Variants in GOLGB1 observed in about 807,000 individuals in gnomAD.
GOLGB1 encodes golgin subfamily B member 1.
Under a neutral mutation model 336.9 loss-of-function variants are expected in GOLGB1, and 174 were observed. The ratio of observed to expected loss-of-function variants is 0.52; its 90% CI spans 0.46 to 0.59. The LOEUF is 0.59. GOLGB1 is among the 20% of genes least tolerant of loss of function. The pLI, the probability that GOLGB1 is intolerant of heterozygous loss-of-function variation, is 0.00. For synonymous variants in GOLGB1, 1,208 were observed against 1,289.2 expected, an observed-to-expected ratio of 0.94 and a Z score of 1.35; for missense variants, 3,331 against 3,645.3, an observed-to-expected ratio of 0.91 and a Z score of 2.22.
At position 121,694,392 on chromosome 3, in the gene GOLGB1, T is replaced by G. The variant is rs75383249; in HGVS notation, c.6131A>C (p.Glu2044Ala). The G allele has an allele frequency of 3.8e-3, 6,188 of 1,613,270 alleles. 27 individuals carry two copies. Among genetic ancestry groups the G allele is most frequent in the Non-Finnish European group, 3.4e-3 (4,047 of 1,179,466 alleles). ...IRYQEKISAL[E>A]RTVKALEFVQ... ...AAATTCTAGAGCTTTAACAGTTCTC[T>G]CCAGAGCACTAATTTTCTCTTGATA... Residue 2044 changes from glutamate (E) to alanine (A), a missense_variant, in exon 13 of 22, where the codon GAG becomes GCG. Physicochemically the swap from Glu to Ala is moderately radical, Grantham distance 107. Coordinates refer to ENST00000614479, the MANE Select transcript of GOLGB1 (RefSeq NM_001366282.2).
chr3:121,713,748 T>A (rs1490121979), intron 10 of GOLGB1, among the ~76,000 whole-genome samples: 1 of 152,178 alleles, frequency 6.6e-6, no homozygotes, highest in Non-Finnish European at 1.5e-5. Flanking sequence ...ACTTCAGATC[T>A]GTGCATTTAA....
chr3:121,714,836 T>C, intron 10 of GOLGB1, 25 bp downstream of exon 10: 2 of 1,298,422 alleles, frequency 1.5e-6, no homozygotes, highest in South Asian at 2.4e-5. Context: ...CAGTTAATAT[T>C]CATAAGAAGT....
At position 121,696,477 on chromosome 3, in the gene GOLGB1, T is replaced by G. The variant is rs1327096941; in HGVS notation, c.4046A>C (p.Glu1349Ala). ...TTCTAAACCCTGTTTATTTATCTGC[T>G]CTTGTAACTGAAATACCTCTTCTGA... The part of the protein sequence containing the change: ...KKSEEVFQLQ[E>A]QINKQGLEIE... Residue 1349 changes from glutamate to alanine, a missense_variant, in exon 13 of 22, where the codon GAG becomes GCG. Coordinates refer to ENST00000614479, the MANE Select transcript of GOLGB1 (RefSeq NM_001366282.2). 1.9e-6 allele frequency: 3 copies of G among 1,613,970 alleles called. No homozygotes were observed. Among genetic ancestry groups the G allele is most frequent in the Non-Finnish European group, 2.5e-6 (3 of 1,179,990 alleles).
intron 9 of GOLGB1, among the ~76,000 whole-genome samples, chr3:121,715,752 G>C (rs1341577200): frequency 6.6e-6 from 1 of 151,982 alleles, no homozygotes; most frequent in South Asian, 2.1e-4. Context: ...CAGCACTTTG[G>C]GATGCCGAGG....
Position 121,694,746 on chromosome 3 carries a change from T to C in GOLGB1, c.5777A>G (p.Asp1926Gly). Residue 1926 changes from aspartate to glycine, a missense_variant, in exon 13 of 22, where the codon GAT (aspartate) becomes GGT (glycine). Asp to Gly is a moderately conservative substitution (Grantham distance 94, BLOSUM62 -1). Coordinates refer to ENST00000614479, the MANE Select transcript of GOLGB1 (RefSeq NM_001366282.2). ...TTGATTCATAAGCCTCTCTTCCAAA[T>C]CATCTTTCTCTTCTTCTGCTGTCTC... ...LKETAEEEKD[D>G]LEERLMNQLA... is the part of the protein sequence containing the mutation. 1 of 1,612,708 alleles carries C rather than the reference T, an allele frequency of 6.2e-7. No homozygotes were observed. Among genetic ancestry groups the C allele is most frequent in the Non-Finnish European group, 8.5e-7 (1 of 1,179,972 alleles).
chr3:121,699,125 A>G (rs1943187462), intron 12 of GOLGB1, among the ~76,000 whole-genome samples, 196 bp from the exon 13 acceptor site: 1 of 152,158 alleles, frequency 6.6e-6, no homozygotes, highest in Admixed American at 6.5e-5. Context: ...CACTCTGCCA[A>G]TCCTGCACTG....
At chr3:121,733,398 A>T (rs953215536) in intron 1 of GOLGB1, among the ~76,000 whole-genome samples, 6 of 152,154 alleles carry the variant, frequency 3.9e-5, no homozygotes, top group Admixed American at 2.0e-4. Context: ...ACAGAGCAGG[A>T]CTTGGGTAAA....
chr3:121,699,123 C>T (rs1448379085), intron 12 of GOLGB1, among the ~76,000 whole-genome samples, 194 bp from the exon 13 acceptor site: 1 of 152,156 alleles, frequency 6.6e-6, no homozygotes, highest in East Asian at 1.9e-4. Context: ...GGCACTCTGC[C>T]AATCCTGCAC....
intron 10 of GOLGB1, among the ~76,000 whole-genome samples, chr3:121,702,987 C>A (rs527623478): frequency 1.0e-3 from 157 of 152,168 alleles, no homozygotes; most frequent in African/African-American, 3.3e-3. Context: ...AAGAGAGGTT[C>A]CACAAAGAGG....
intron 17 of GOLGB1, among the ~76,000 whole-genome samples, chr3:121,674,921 C>T (rs965624422): frequency 4.6e-5 from 7 of 150,738 alleles, no homozygotes; most frequent in South Asian, 4.2e-4. Context: ...CTGCAAGCTC[C>T]GCTTCCCGGG....
rs193284384 is a variant in GOLGB1, at chr3:121,664,101, T to C, written c.*379A>G. The C allele has an allele frequency of 1.2e-3, 233 of 198,894 alleles. 1 individual carries two copies. The highest frequency in any genetic ancestry group is 4.8e-3 in the African/African-American group (209 of 43,778). 12.3% of individuals were successfully genotyped at this position (198,894 alleles called of 1,614,324 possible). A position where few individuals can be genotyped will look rare whatever the true frequency, so the allele number is the denominator to read the frequency against. On this transcript the variant is annotated 3_prime_UTR_variant, in exon 22 of 22. Coordinates refer to ENST00000614479, the MANE Select transcript of GOLGB1 (RefSeq NM_001366282.2). The stretch of plus-strand genomic sequence containing the variant: ...CAAAGAAAGTTATCAATCAAAATGA[T>C]ACTGAACTTCAGATTATTAGGTTTA...
intron 11 of GOLGB1, among the ~76,000 whole-genome samples, chr3:121,700,789 T>A (rs1943338662): frequency 6.6e-6 from 1 of 152,112 alleles, no homozygotes; most frequent in Admixed American, 6.6e-5. Context: ...CCCCTTTTCA[T>A]CATTCAGGTT....
chr3:121,726,422 A>T (rs2108243101), intron 5 of GOLGB1, among the ~76,000 whole-genome samples: 1 of 134,452 alleles, frequency 7.4e-6, no homozygotes, highest in South Asian at 2.5e-4. Flanking sequence ...CAACAGAGTG[A>T]CACCCTGTCT....
At chr3:121,689,535 C>A (rs1400577544) in intron 14 of GOLGB1, among the ~76,000 whole-genome samples, 3 of 151,430 alleles carry the variant, frequency 2.0e-5, no homozygotes, top group Non-Finnish European at 4.4e-5. Flanking sequence ...GGGTCCTCTG[C>A]CTAGGAAAAC....
In GOLGB1 at chr3:121,698,746, C is replaced by T. The variant is rs911184220; in HGVS notation, c.1777G>A (p.Ala593Thr). 3 of 1,613,564 alleles carry T rather than the reference C, an allele frequency of 1.9e-6. No individual in the cohort carries two copies. The highest frequency in any genetic ancestry group is 1.7e-6 in the Non-Finnish European group (2 of 1,179,622). Residue 593 changes from alanine to threonine, a missense_variant, in exon 13 of 22, where the codon GCA becomes ACA. Coordinates refer to ENST00000614479, the MANE Select transcript of GOLGB1 (RefSeq NM_001366282.2). The part of the protein sequence containing the change: ...LQLQGKRAEE[A>T]DHEVLDQKEM... Reference sequence around the variant, plus strand: ...TTCTGGTCAAGGACCTCATGATCTGCTTCCTCAGCCCTTTTTCCCTGGAGC... The same window carrying T: ...TTCTGGTCAAGGACCTCATGATCTGTTTCCTCAGCCCTTTTTCCCTGGAGC...
chr3:121,689,276 A>G (rs1036580074), intron 14 of GOLGB1, among the ~76,000 whole-genome samples: 14 of 152,248 alleles, frequency 9.2e-5, no homozygotes, highest in African/African-American at 3.1e-4. Context: ...AGAAGTAGAC[A>G]TGGGAAACTT....
intron 20 of GOLGB1, among the ~76,000 whole-genome samples, chr3:121,666,531 C>T (rs567355376): frequency 1.3e-5 from 2 of 152,280 alleles, no homozygotes; most frequent in Middle Eastern, 3.4e-3. Context: ...AGCTGGCCCA[C>T]CCTCAAAGCT....
intron 2 of GOLGB1, among the ~76,000 whole-genome samples, chr3:121,730,485 A>T (rs1241498209): frequency 1.3e-5 from 2 of 152,160 alleles, no homozygotes; most frequent in Non-Finnish European, 2.9e-5. Context: ...AAACTATAGG[A>T]GAAGTGGTAA....
intron 14 of GOLGB1, among the ~76,000 whole-genome samples, chr3:121,684,488 A>T (rs984848311): frequency 7.9e-5 from 12 of 152,104 alleles, no homozygotes; most frequent in Admixed American, 2.0e-4. Context: ...GACCTATACC[A>T]AATTATACTA....
Sources: gnomAD v4.1 joint callset for allele counts (sites outside exome capture counted in the v4.1 genomes callset) on GRCh38, gnomAD v4.1.1 for gene constraint, MANE v1.5 for transcripts, NCBI Gene and HGNC (gene_info 2026-07-23, HGNC 2026-07-21) for gene names.